Variants in PCDHA2 observed in about 807,000 individuals in gnomAD.
PCDHA2 encodes protocadherin alpha 2.
Under a neutral mutation model 66.0 loss-of-function variants are expected in PCDHA2, and 58 were observed. The observed-to-expected ratio is 0.88, with a 90% CI of 0.71 to 1.09. The LOEUF is 1.09. PCDHA2 is among the 50% of genes least tolerant of loss of function. PCDHA2 has a pLI of 0.00. For synonymous variants in PCDHA2, 634 were observed against 554.0 expected, an observed-to-expected ratio of 1.14 and a Z score of -2.03; for missense variants, 1,267 against 1,242.3, an observed-to-expected ratio of 1.02 and a Z score of -0.30.
intron 1 of PCDHA2, among the ~76,000 whole-genome samples, chr5:140,826,796 T>C (rs1158951644): frequency 6.6e-6 from 1 of 152,184 alleles, no homozygotes; most frequent in Non-Finnish European, 1.5e-5. Flanking sequence ...AAAAAGTTGA[T>C]TACCTAACAT....
intron 1 of PCDHA2, chr5:140,855,953 T>TA (rs2043692800): frequency 2.2e-6 from 3 of 1,381,096 alleles, no homozygotes; most frequent in Admixed American, 4.7e-5. Flanking sequence ...GCCATTTCGA[T>TA]AAAAAATAGA....
In PCDHA2 at chr5:140,847,222, G is replaced by A. The variant is rs1156761082; in HGVS notation, c.2388+49870G>A. 2.0e-5 allele frequency among the ~76,000 whole-genome samples: 3 copies of A among 149,704 alleles called. 1 individual carries two copies. ...GGCCACTCTTTAGAATTAATTGGGA[G>A]CTATTTAACTACCTTGAGCAAAATA... On this transcript the variant is annotated intron_variant, in intron 1 of 3. Transcript: ENST00000526136.
At chr5:140,808,749 A>C (rs1764254328) in intron 1 of PCDHA2, 1 of 1,612,168 alleles carries the variant, frequency 6.2e-7, no homozygotes, top group Non-Finnish European at 8.5e-7. Context: ...TACGCGCTGC[A>C]GCCGCTGGAC....
intron 1 of PCDHA2, among the ~76,000 whole-genome samples, chr5:140,941,259 T>TTCTTTCTTTC (rs1554214226): frequency 2.6e-4 from 32 of 121,828 alleles, no homozygotes; most frequent in African/African-American, 6.8e-4. Flanking sequence ...TTCTTTCTCT[T>TTCTTTCTTTC]TCTTTCTTTC....
At position 141,011,612 on chromosome 5, in the gene PCDHA2, G is replaced by A. The variant is rs1031311936; in HGVS notation, c.*1675G>A. 11 of 153,524 alleles carry A rather than the reference G, an allele frequency of 7.2e-5. No individual in the cohort carries two copies. The highest frequency in any genetic ancestry group is 1.6e-4 in the Non-Finnish European group (11 of 67,990). 9.5% of individuals were successfully genotyped at this position (153,524 alleles called of 1,614,324 possible). A position where few individuals can be genotyped will look rare whatever the true frequency, so the allele number is the denominator to read the frequency against. On this transcript the variant is annotated 3_prime_UTR_variant, in exon 4 of 4. Coordinates refer to ENST00000526136, the MANE Select transcript of PCDHA2 (RefSeq NM_018905.3). ...TGGTGATTCAAGGAATTTTATTTAT[G>A]GTCCAGCCAAGAGCCATCTCGTGCC...
At chr5:140,978,566 T>G (rs1554239422) in intron 1 of PCDHA2, among the ~76,000 whole-genome samples, 1 of 152,204 alleles carries the variant, frequency 6.6e-6, no homozygotes, top group East Asian at 1.9e-4. Flanking sequence ...ATAGCTGTAA[T>G]ACTGAATTGG....
intron 1 of PCDHA2, among the ~76,000 whole-genome samples, chr5:140,936,121 G>C (rs1381895785): frequency 6.6e-6 from 1 of 152,068 alleles, no homozygotes; most frequent in Non-Finnish European, 1.5e-5. Flanking sequence ...TCGAACTCCT[G>C]ACCTTAAGTG....
rs782684247 is a variant in PCDHA2, at chr5:140,870,024, A to T, written c.2388+72672A>T. The T allele has an allele frequency of 3.1e-6, 5 of 1,613,624 alleles. No individual in the cohort carries two copies. The Admixed American group carries it at 6.7e-5, about 22-fold the overall frequency. On this transcript the variant is annotated intron_variant, in intron 1 of 3. Coordinates refer to ENST00000526136, the MANE Select transcript of PCDHA2 (RefSeq NM_018905.3). The stretch of plus-strand genomic sequence containing the variant: ...GAGAAGTGAGGGTCAATGGAACTTT[A>T]GATTATGAAGAAAACAAGTTTTATA...
intron 1 of PCDHA2, chr5:140,801,249 C>T (rs1762664338): frequency 6.2e-7 from 1 of 1,613,718 alleles, no homozygotes; most frequent in Non-Finnish European, 8.5e-7. Context: ...GCTGCTTTCT[C>T]TTCTGCTCCT....
chr5:140,949,457 T>C (rs1369576515), intron 1 of PCDHA2, among the ~76,000 whole-genome samples: 1 of 151,872 alleles, frequency 6.6e-6, no homozygotes, highest in Non-Finnish European at 1.5e-5. Flanking sequence ...TCATGTAATT[T>C]GAAGCCCTGT....
At chr5:140,870,507 A>C (rs782584168) in intron 1 of PCDHA2, 1 of 1,614,128 alleles carries the variant, frequency 6.2e-7, no homozygotes, top group Non-Finnish European at 8.5e-7. Context: ...AGAACAACCC[A>C]CCAGGCTGCC....
Position 140,795,639 on chromosome 5 carries a change from C to G in PCDHA2, c.675C>G (p.Thr225=), listed in dbSNP as rs375678815. 3 of 1,613,958 alleles carry G rather than the reference C, an allele frequency of 1.9e-6. No homozygotes were observed. The highest frequency in any genetic ancestry group is 3.3e-4 in the Middle Eastern group (2 of 6,084). The change falls in exon 1 of 4, where the codon ACC becomes ACG. Residue 225 remains threonine, a synonymous_variant. Transcript: ENST00000526136. ...TDGGKPELTG[T]VQILIKVLDV... The stretch of plus-strand genomic sequence containing the variant: ...GGGGCAAACCTGAGCTCACGGGCAC[C>G]GTTCAAATACTTATTAAGGTATTAG...
At chr5:140,918,548 A>G (rs1360159345) in intron 1 of PCDHA2, among the ~76,000 whole-genome samples, 3 of 152,192 alleles carry the variant, frequency 2.0e-5, no homozygotes, top group Non-Finnish European at 4.4e-5. Context: ...TCCATGTGCA[A>G]TTGAGAAGAA....
intron 1 of PCDHA2, among the ~76,000 whole-genome samples, chr5:140,953,252 T>C (rs557973424): frequency 3.3e-5 from 5 of 152,318 alleles, no homozygotes; most frequent in Admixed American, 1.3e-4. Context: ...TTCAGTTTAG[T>C]TCTTTTAGCT....
chr5:140,925,172 C>T (rs1176049315), intron 1 of PCDHA2, among the ~76,000 whole-genome samples: 2 of 151,994 alleles, frequency 1.3e-5, no homozygotes, highest in Admixed American at 6.6e-5. Context: ...TGTAATTGAC[C>T]CCAATGTACC....
intron 1 of PCDHA2, among the ~76,000 whole-genome samples, chr5:140,904,015 AT>A (rs1171166257): frequency 6.6e-6 from 1 of 152,234 alleles, no homozygotes; most frequent in Non-Finnish European, 1.5e-5. Flanking sequence ...ACTTTAAAAA[AT>A]AATGGTATAA....
chr5:140,857,478 C>G (rs782202072), intron 1 of PCDHA2: 1 of 1,598,590 alleles, frequency 6.3e-7, no homozygotes, highest in Non-Finnish European at 8.6e-7. Context: ...TTCACGGTGT[C>G]TGCGTGGGAC....
In PCDHA2 at chr5:140,857,745, C is replaced by A. The variant is rs782206343; in HGVS notation, c.2388+60393C>A. ...AACGACAACGCTCCCGCGCTGCTGG[C>A]GTCTCCCGCTGGCAGCGCGGGCGGT... is the stretch of plus-strand genomic sequence containing the variant. On this transcript the variant is annotated intron_variant, in intron 1 of 3. Coordinates refer to ENST00000526136, the MANE Select transcript of PCDHA2 (RefSeq NM_018905.3). 4.6e-5 allele frequency: 73 copies of A among 1,597,310 alleles called. 8 individuals carry two copies. Among genetic ancestry groups the A allele is most frequent in the Non-Finnish European group, 5.8e-5 (68 of 1,167,612 alleles).
Position 141,009,850 on chromosome 5 carries a change from C to CAAGAAAAAG in PCDHA2, c.2775_2783dup (p.Lys926_Lys928dup). ...TAACCTTCGGCAAAAAGGAGGAGAC[C>CAAGAAAAAG]AAGAAAAAGAAGAAAAAGAAGAAGG... On this transcript the variant is annotated inframe_insertion, in exon 4 of 4. Coordinates refer to ENST00000526136, the MANE Select transcript of PCDHA2 (RefSeq NM_018905.3). The CAAGAAAAAG allele has an allele frequency of 1.2e-6, 2 of 1,613,572 alleles. No individual in the cohort carries two copies. Among genetic ancestry groups the CAAGAAAAAG allele is most frequent in the Non-Finnish European group, 1.7e-6 (2 of 1,179,906 alleles).
Sources: gnomAD v4.1 joint callset for allele counts (sites outside exome capture counted in the v4.1 genomes callset) on GRCh38, gnomAD v4.1.1 for gene constraint, MANE v1.5 for transcripts, NCBI Gene and HGNC (gene_info 2026-07-23, HGNC 2026-07-21) for gene names.